Variants in GLE1 observed in about 807,000 individuals in gnomAD.
GLE1 encodes the protein mRNA export factor GLE1.
Under a neutral mutation model 97.3 loss-of-function variants are expected in GLE1, and 78 were observed. The observed-to-expected ratio is 0.80, with a 90% CI of 0.67 to 0.97. The LOEUF (loss-of-function observed/expected upper bound fraction) is 0.97, where lower values mean the gene tolerates loss of function less well. GLE1 is among the 50% of genes least tolerant of loss of function. The pLI is 0.00. For synonymous variants in GLE1, 302 were observed against 313.4 expected (o/e 0.96, Z 0.39); for missense variants, 753 against 857.5 (o/e 0.88, Z 1.52).
chr9:128,517,616 T>C (rs1196186029), intron 3 of GLE1, among the ~76,000 whole-genome samples: 2 of 152,236 alleles, frequency 1.3e-5, no homozygotes, highest in Admixed American at 6.5e-5. Flanking sequence ...CCTGCATCTT[T>C]GGAAATTTTT....
At chr9:128,538,172 G>A in intron 13 of GLE1, 82 bp downstream of exon 13, 1 of 777,992 alleles carries the variant, frequency 1.3e-6, no homozygotes, top group Admixed American at 1.9e-5. Flanking sequence ...TGGGGAAACA[G>A]CATAGCATTT....
intron 11 of GLE1, among the ~76,000 whole-genome samples, 185 bp downstream of exon 11, chr9:128,534,136 GT>G (rs1847619485): frequency 6.6e-6 from 1 of 152,190 alleles, no homozygotes; most frequent in Non-Finnish European, 1.5e-5. Flanking sequence ...GGGAGGCCAA[GT>G]TGGGTGGATT....
intron 3 of GLE1, among the ~76,000 whole-genome samples, chr9:128,520,457 A>T (rs35391624): frequency 4.0e-5 from 6 of 148,902 alleles, no homozygotes; most frequent in Non-Finnish European, 8.9e-5. Flanking sequence ...TATAAAAAAT[A>T]CAATAAAATC....
At chr9:128,522,873 C>T in intron 4 of GLE1, 57 bp downstream of exon 4, 2 of 1,590,212 alleles carry the variant, frequency 1.3e-6, no homozygotes, top group Middle Eastern at 1.7e-4. Flanking sequence ...GAACTCTTTC[C>T]CAAGAGGAAT....
At chr9:128,523,454 G>T in intron 5 of GLE1, 114 bp downstream of exon 5, 2 of 1,388,438 alleles carry the variant, frequency 1.4e-6, no homozygotes, top group Non-Finnish European at 2.1e-6. Context: ...TTATGCCTGT[G>T]TATGACTAAC....
Position 128,515,529 on chromosome 9 carries a change from G to A in GLE1, c.322G>A (p.Gly108Ser). 4 of 1,541,956 alleles carry A rather than the reference G, an allele frequency of 2.6e-6. No individual in the cohort carries two copies. Among genetic ancestry groups the A allele is most frequent in the Non-Finnish European group, 2.7e-6 (3 of 1,114,224 alleles). The change falls in exon 3 of 16, where the codon GGC (glycine) becomes AGC (serine). Residue 108 changes from glycine (G) to serine (S), a missense_variant and splice_region_variant. Gly to Ser is a moderately conservative substitution (Grantham distance 56). Coordinates refer to ENST00000309971, the MANE Select transcript of GLE1 (RefSeq NM_001003722.2). ...ASPATPNGTK[G>S]KDESQHTESM... ...ATTTTTCCATTTTCTGCTCATATAG[G>A]GCAAAGATGAGTCCCAGCACACAGA... is the stretch of plus-strand genomic sequence containing the variant.
rs181388479 is a variant in GLE1 at position 128,529,171 on chromosome 9, A to G, written c.1312+1646A>G. Among the ~76,000 whole-genome samples the G allele has an allele frequency of 1.4e-4, 21 of 152,372 alleles. No homozygotes were observed. In the East Asian group the frequency reaches 4.0e-3, roughly 29 times the overall value. ...CTGTGTCCTTTGATAGCAACAGCAA[A>G]GCAAGAGAGGTTGACTGGACAGCCA... On this transcript the variant is annotated intron_variant, in intron 9 of 15. Transcript: ENST00000309971.
intron 2 of GLE1, among the ~76,000 whole-genome samples, chr9:128,512,430 T>C (rs1320703854): frequency 2.0e-5 from 3 of 152,222 alleles, no homozygotes; most frequent in African/African-American, 7.2e-5. Flanking sequence ...AAGACATTAC[T>C]ATTGGGGGAG....
intron 5 of GLE1, 50 bp downstream of exon 5, chr9:128,523,390 C>T: frequency 1.3e-6 from 2 of 1,527,988 alleles, no homozygotes; most frequent in Non-Finnish European, 1.8e-6. Context: ...TGTCTGTAAC[C>T]TGCCTGGAGA....
intron 7 of GLE1, among the ~76,000 whole-genome samples, chr9:128,526,696 C>T (rs963453919): frequency 4.6e-5 from 7 of 150,884 alleles, no homozygotes; most frequent in Admixed American, 4.6e-4. Context: ...ATAGGAGTCT[C>T]ACTCTTGTTA....
Position 128,536,238 on chromosome 9 carries a change from T to G in GLE1, c.1647-117T>G. The G allele has an allele frequency of 1.3e-5, 10 of 742,746 alleles. No homozygotes were observed. In the South Asian group the frequency reaches 1.4e-4, roughly 10 times the overall value. 46.0% of individuals were successfully genotyped at this position (742,746 alleles called of 1,614,324 possible). A position where few individuals can be genotyped will look rare whatever the true frequency, so the allele number is the denominator to read the frequency against. Reference sequence around the variant, plus strand: ...TAGTAGAGATGGGGTTTCACCACATTGGCCAGGCTAGTCTTGAACTCCTGG... The same window carrying G: ...TAGTAGAGATGGGGTTTCACCACATGGGCCAGGCTAGTCTTGAACTCCTGG... On this transcript the variant is annotated intron_variant, in intron 11 of 15. Coordinates refer to ENST00000309971, the MANE Select transcript of GLE1 (RefSeq NM_001003722.2).
intron 3 of GLE1, among the ~76,000 whole-genome samples, chr9:128,519,742 G>A (rs1336281491): frequency 6.6e-6 from 1 of 152,108 alleles, no homozygotes; most frequent in Admixed American, 6.6e-5. Flanking sequence ...TGATGTGTGT[G>A]ACTCACACCC....
At chr9:128,511,857 G>C (rs1198902117) in intron 2 of GLE1, among the ~76,000 whole-genome samples, 2 of 151,980 alleles carry the variant, frequency 1.3e-5, no homozygotes, top group Non-Finnish European at 2.9e-5. Context: ...TGTCCCCCAG[G>C]CTGGAGTGCA....
intron 5 of GLE1, 34 bp downstream of exon 5, chr9:128,523,374 G>A (rs1415230293): frequency 6.3e-7 from 1 of 1,582,566 alleles, no homozygotes; most frequent in Admixed American, 1.7e-5. Context: ...TGGGTGTTTT[G>A]GTGTCTGTCT....
rs1554721425 is a variant in GLE1 at position 128,508,985 on chromosome 9, C to T, written c.209C>T (p.Ser70Leu). The T allele has an allele frequency of 7.4e-6, 12 of 1,611,388 alleles. No homozygotes were observed. The highest frequency in any genetic ancestry group is 2.2e-5 in the East Asian group (1 of 44,866). Residue 70 changes from serine to leucine, a missense_variant, in exon 2 of 16, where the codon TCG (serine) becomes TTG (leucine). By Grantham distance (145) the Ser-to-Leu change is moderately radical (BLOSUM62 -2). Coordinates refer to ENST00000309971, the MANE Select transcript of GLE1 (RefSeq NM_001003722.2). ...GAGAACCAACCTCTGTCTGAGACTT[C>T]GCCATCCTCTACGTCAGCTTCAGCC... ...MQENQPLSET[S>L]PSSTSASALD...
At chr9:128,506,218 G>A (rs912738092) in intron 1 of GLE1, among the ~76,000 whole-genome samples, 1 of 152,062 alleles carries the variant, frequency 6.6e-6, no homozygotes, top group Non-Finnish European at 1.5e-5. Context: ...GGTGGTGCAT[G>A]CCTGTAATCC....
At position 128,527,267 on chromosome 9, in the gene GLE1, C is replaced by G. The variant is rs921186375; in HGVS notation, c.1218C>G (p.Gly406=). 7 of 1,603,758 alleles carry G rather than the reference C, an allele frequency of 4.4e-6. No individual in the cohort carries two copies. Among genetic ancestry groups the G allele is most frequent in the Middle Eastern group, 1.6e-4 (1 of 6,072 alleles). Residue 406 remains glycine, a synonymous_variant, in exon 8 of 16, where the codon GGC becomes GGG. Coordinates refer to ENST00000309971, the MANE Select transcript of GLE1 (RefSeq NM_001003722.2). ...TGCAGTGTGTGTTGACCTTTGAGGG[C>G]CTGACCAACAGCAAGGACAGTCAGG... ...ASMQCVLTFE[G]LTNSKDSQAK...
chr9:128,532,501 A>T (rs945860502), intron 9 of GLE1, among the ~76,000 whole-genome samples: 7 of 151,140 alleles, frequency 4.6e-5, no homozygotes, highest in African/African-American at 1.5e-4. Context: ...GCTGGCCCAG[A>T]TCTGCTTAAG....
intron 3 of GLE1, among the ~76,000 whole-genome samples, chr9:128,517,463 C>G (rs901643584): frequency 6.6e-6 from 1 of 152,072 alleles, no homozygotes; most frequent in Non-Finnish European, 1.5e-5. Flanking sequence ...CAGAAGTAAA[C>G]AAGAGAAATA....
Sources: gnomAD v4.1 joint callset for allele counts (sites outside exome capture counted in the v4.1 genomes callset) on GRCh38, gnomAD v4.1.1 for gene constraint, MANE v1.5 for transcripts, NCBI Gene and HGNC (gene_info 2026-07-23, HGNC 2026-07-21) for gene names.